BPIFB1: variants seen among roughly 807,000 people sequenced by gnomAD.
BPIFB1 encodes the protein BPI fold-containing family B member 1.
Under a neutral mutation model 55.1 loss-of-function variants are expected in BPIFB1, and 34 were observed. That is an observed-to-expected ratio of 0.62 (90% CI 0.47 to 0.82). BPIFB1 has a LOEUF of 0.82. Ranked by LOEUF, BPIFB1 falls within the 40% of genes least tolerant of loss-of-function variation. The pLI, the probability that BPIFB1 is intolerant of heterozygous loss-of-function variation, is 0.00. For missense variants in BPIFB1, 532 were observed against 593.1 expected, an observed-to-expected ratio of 0.90 and a Z score of 1.07; for synonymous variants, 236 against 245.3, an observed-to-expected ratio of 0.96 and a Z score of 0.35.
At chr20:33,289,805 G>A in intron 3 of BPIFB1, 80 bp from the exon 4 acceptor site, 3 of 1,350,178 alleles carry the variant, frequency 2.2e-6, no homozygotes, top group South Asian at 1.2e-5. Context: ...ACCCCAGGGA[G>A]ATGGAAAAGA....
In BPIFB1 at chr20:33,304,742, C is replaced by G; in HGVS notation, c.1209-104C>G. ...TTCATGTGGTTCACTGGAGCCCGCA[C>G]TGTGCCTGGCACATAATAGGTGCTC... is the stretch of plus-strand genomic sequence containing the variant. On this transcript the variant is annotated intron_variant, in intron 12 of 15. Transcript: ENST00000253354. 5 of 1,435,666 alleles carry G rather than the reference C, an allele frequency of 3.5e-6. No homozygotes were observed. The South Asian group carries it at 4.6e-5, about 13-fold the overall frequency. The allele number at this position is 1,435,666 out of a possible 1,614,324, so 88.9% of individuals were successfully genotyped here.
intron 7 of BPIFB1, chr20:33,299,019 A>G: frequency 4.0e-6 from 1 of 249,830 alleles, no homozygotes. Flanking sequence ...CTTTTTTTAA[A>G]GTAATTTTTA....
At position 33,303,054 on chromosome 20, in the gene BPIFB1, C is replaced by T; in HGVS notation, c.1120C>T (p.Pro374Ser). The change falls in exon 11 of 16, where the codon CCT (proline) becomes TCT (serine). Residue 374 changes from proline (P) to serine (S), a missense_variant. Physicochemically the swap from Pro to Ser is moderately conservative, Grantham distance 74. Transcript: ENST00000253354. ...GTTTCCCTCCAGTGAAGCCCTCCGC[C>T]CTTTGTTCACCCTGGGCATCGTGAG... ...EVFPSSEALR[P>S]LFTLGIEASS... 1.2e-6 allele frequency: 2 copies of T among 1,613,922 alleles called. No individual in the cohort carries two copies. The highest frequency in any genetic ancestry group is 1.7e-5 in the Admixed American group (1 of 60,016).
chr20:33,297,677 T>TA (rs1171848783), intron 7 of BPIFB1, 89 bp downstream of exon 7: 2 of 1,389,694 alleles, frequency 1.4e-6, no homozygotes. Flanking sequence ...CCTCCCCAAG[T>TA]CAGGCCTGAG....
chr20:33,285,729 A>G (rs111303808), intron 1 of BPIFB1, among the ~76,000 whole-genome samples: 10 of 151,332 alleles, frequency 6.6e-5, no homozygotes, highest in African/African-American at 9.8e-5. Flanking sequence ...AAAAAAAAAA[A>G]AAAGAAAGAA....
Position 33,291,021 on chromosome 20 carries a change from G to T in BPIFB1, c.430G>T (p.Asp144Tyr). 6.2e-7 allele frequency: 1 copy of T among 1,613,910 alleles called. No individual in the cohort carries two copies. Among genetic ancestry groups the T allele is most frequent in the Non-Finnish European group, 8.5e-7 (1 of 1,180,038 alleles). Residue 144 changes from aspartate (D) to tyrosine (Y), a missense_variant, in exon 5 of 16, where the codon GAC (aspartate) becomes TAC (tyrosine). By Grantham distance (160) the Asp-to-Tyr change is radical. Coordinates refer to ENST00000253354, the MANE Select transcript of BPIFB1 (RefSeq NM_033197.3). ...TGAGGCCCAAGCCACCATCCGCATG[G>T]ACACCAGTGCAAGTGGCCCCACCCG... is the stretch of plus-strand genomic sequence containing the variant. ...TTEAQATIRM[D>Y]TSASGPTRLV... is the part of the protein sequence containing the mutation.
chr20:33,291,939 A>G lies in BPIFB1; in HGVS notation c.548A>G (p.Gln183Arg). 4 of 1,614,226 alleles carry G rather than the reference A, an allele frequency of 2.5e-6. No homozygotes were observed. The highest frequency in any genetic ancestry group is 3.4e-6 in the Non-Finnish European group (4 of 1,180,044). Residue 183 changes from glutamine to arginine, a missense_variant, in exon 6 of 16, where the codon CAG becomes CGG. Physicochemically the swap from Gln to Arg is conservative, Grantham distance 43 (BLOSUM62 1). Coordinates refer to ENST00000253354, the MANE Select transcript of BPIFB1 (RefSeq NM_033197.3). ...LSFLVNALAK[Q>R]VMNLLVPSLP... ...TTCCTGGTGAACGCCTTAGCTAAGC[A>G]GGTCATGAACCTCCTAGTGCCATCC...
rs370377285 is a variant in BPIFB1, at chr20:33,301,143, C to G, written c.748-90C>G. The G allele has an allele frequency of 3.1e-6, 4 of 1,310,320 alleles. No homozygotes were observed. In the Admixed American group the frequency reaches 8.2e-5, roughly 27 times the overall value. The allele number at this position is 1,310,320 out of a possible 1,614,324, so 81.2% of individuals were successfully genotyped here. A position where few individuals can be genotyped will look rare whatever the true frequency, so the allele number is the denominator to read the frequency against. Reference sequence around the variant, plus strand: ...TGGCAACAAATGCACAAAAAGGAAACAGGCTGAATGGTGTCATTTCCTTCT... The same window carrying G: ...TGGCAACAAATGCACAAAAAGGAAAGAGGCTGAATGGTGTCATTTCCTTCT... On this transcript the variant is annotated intron_variant, in intron 8 of 15. Coordinates refer to ENST00000253354, the MANE Select transcript of BPIFB1 (RefSeq NM_033197.3).
At chr20:33,297,430 G>A (rs1980689091) in intron 6 of BPIFB1, 95 bp from the exon 7 acceptor site, 6 of 1,358,428 alleles carry the variant, frequency 4.4e-6, no homozygotes, top group Non-Finnish European at 6.3e-6. Context: ...CACAGCAGTA[G>A]GACACAGGCC....
chr20:33,290,877 G>A (rs759915948), intron 4 of BPIFB1, 80 bp from the exon 5 acceptor site: 5 of 1,509,048 alleles, frequency 3.3e-6, no homozygotes, highest in Non-Finnish European at 4.5e-6. Context: ...GGTGAGGGCT[G>A]GAAGACAGAG....
chr20:33,288,298 TG>T (rs1980337048), intron 2 of BPIFB1, among the ~76,000 whole-genome samples: 1 of 152,232 alleles, frequency 6.6e-6, no homozygotes, highest in Non-Finnish European at 1.5e-5. Flanking sequence ...TGAGGCTTTT[TG>T]GACAACACAT....
intron 12 of BPIFB1, among the ~76,000 whole-genome samples, chr20:33,304,404 G>C (rs901459085): frequency 4.0e-4 from 61 of 152,336 alleles, no homozygotes; most frequent in African/African-American, 1.4e-3. Flanking sequence ...GCCAGCTGGA[G>C]CCTCTGGGGA....
intron 3 of BPIFB1, among the ~76,000 whole-genome samples, chr20:33,289,513 A>C (rs968570129): frequency 1.3e-5 from 2 of 152,190 alleles, no homozygotes; most frequent in Non-Finnish European, 2.9e-5. Context: ...CCAGGAGACA[A>C]GAAGCAAATG....
chr20:33,309,662 A>G lies in BPIFB1; in HGVS notation c.1396-46A>G, dbSNP rs1212906509. On this transcript the variant is annotated intron_variant, in intron 15 of 15. Coordinates refer to ENST00000253354, the MANE Select transcript of BPIFB1 (RefSeq NM_033197.3). This position sits in a 1 kb window ranked among gnomAD's most constrained non-coding sequence, Gnocchi z 4.4. ...CAAAACCAGCATAAACCACAAGGCA[A>G]AAGGTTAAAGAAACCTGTTTTCTGA... 8 of 1,593,062 alleles carry G rather than the reference A, an allele frequency of 5.0e-6. No homozygotes were observed. The highest frequency in any genetic ancestry group is 6.9e-6 in the Non-Finnish European group (8 of 1,161,042).
chr20:33,294,048 T>A (rs1980557447), intron 6 of BPIFB1, among the ~76,000 whole-genome samples: 1 of 152,226 alleles, frequency 6.6e-6, no homozygotes, highest in African/African-American at 2.4e-5. Flanking sequence ...TCTAATAAGC[T>A]GGAGTTATGA....
chr20:33,292,301 T>G (rs1449133444), intron 6 of BPIFB1, among the ~76,000 whole-genome samples: 2 of 152,206 alleles, frequency 1.3e-5, no homozygotes, highest in Non-Finnish European at 2.9e-5. Flanking sequence ...CGGATTTCCC[T>G]GGTGGAAATA....
intron 4 of BPIFB1, among the ~76,000 whole-genome samples, chr20:33,290,527 C>G (rs182325758): frequency 6.6e-6 from 1 of 152,058 alleles, no homozygotes; most frequent in Non-Finnish European, 1.5e-5. Flanking sequence ...CAGGATATCC[C>G]GGGGAACTGA....
rs60786625 is a variant in BPIFB1, at chr20:33,307,910, T to TC, written c.1395+932dup. 214 of 142,134 alleles carry TC rather than the reference T, an allele frequency of 1.5e-3. 1 individual carries two copies. The highest frequency in any genetic ancestry group is 2.2e-3 in the African/African-American group (87 of 39,190). 8.8% of individuals were successfully genotyped at this position (142,134 alleles called of 1,614,324 possible). Reference sequence around the variant, plus strand: ...GCCTGGGCAACAAGAGTGAAATCCATCCCCCCCCCAAAAAAAAAAGGAAAG... The same window carrying TC: ...GCCTGGGCAACAAGAGTGAAATCCATCCCCCCCCCCAAAAAAAAAAGGAAAG... On this transcript the variant is annotated intron_variant, in intron 15 of 15. Coordinates refer to ENST00000253354, the MANE Select transcript of BPIFB1 (RefSeq NM_033197.3).
rs375923154 is a variant in BPIFB1 at position 33,305,597 on chromosome 20, A to G, written c.1255-405A>G. On this transcript the variant is annotated intron_variant, in intron 13 of 15. Coordinates refer to ENST00000253354, the MANE Select transcript of BPIFB1 (RefSeq NM_033197.3). ...CTCCCAAAGTGCTGGGATTACAGGCATGAGCCACCATGCCCGGTGACTAAT... is the reference window on the plus strand; with the variant it reads ...CTCCCAAAGTGCTGGGATTACAGGCGTGAGCCACCATGCCCGGTGACTAAT... Among the ~76,000 whole-genome samples, 19 of 152,240 alleles carry G rather than the reference A, an allele frequency of 1.2e-4. No homozygotes were observed. The East Asian group carries it at 1.7e-3, about 14-fold the overall frequency.
Sources: allele counts gnomAD v4.1 joint callset (sites outside exome capture counted in the v4.1 genomes callset), GRCh38; gene constraint gnomAD v4.1.1; non-coding constraint Gnocchi (gnomAD v3.1); transcripts MANE v1.5; gene names NCBI Gene and HGNC (gene_info 2026-07-23, HGNC 2026-07-21).